Variants in NRXN3 observed in about 807,000 individuals in gnomAD.
NRXN3 encodes neurexin III.
Under a neutral mutation model 137.6 loss-of-function variants are expected in NRXN3, and 32 were observed. That is an observed-to-expected ratio of 0.23 (90% CI 0.18 to 0.31). NRXN3 has a LOEUF of 0.31. Among genes scored for constraint, NRXN3 ranks in the 10% least tolerant of loss-of-function variants. The pLI, the probability that NRXN3 is intolerant of heterozygous loss-of-function variation, is 1.00. For synonymous variants in NRXN3, 798 were observed against 784.5 expected, an observed-to-expected ratio of 1.02 and a Z score of -0.29; for missense variants, 1,574 against 2,062.5, an observed-to-expected ratio of 0.76 and a Z score of 4.59.
chr14:79,704,048 A>T (rs533751850), intron 19 of NRXN3, among the ~76,000 whole-genome samples: 1 of 152,224 alleles, frequency 6.6e-6, no homozygotes, highest in South Asian at 2.1e-4. Flanking sequence ...CCCAGATTGA[A>T]TCAGAGCCCC....
chr14:78,221,089 G>A (rs965596862), intron 1 of NRXN3, among the ~76,000 whole-genome samples: 14 of 152,184 alleles, frequency 9.2e-5, no homozygotes, highest in African/African-American at 3.4e-4. Flanking sequence ...AGCAGGGGAA[G>A]TGGTTGCTTA....
chr14:78,293,063 A>G (rs564864355), intron 3 of NRXN3, among the ~76,000 whole-genome samples: 24 of 152,200 alleles, frequency 1.6e-4, no homozygotes, highest in African/African-American at 5.1e-4. Context: ...TTTTTTGAGC[A>G]TTATTTTCTA....
In NRXN3 at chr14:79,861,133, T is replaced by C; in HGVS notation, c.4094-209T>C. 6.9e-7 allele frequency: 1 copy of C among 1,456,954 alleles called. No individual in the cohort carries two copies. 90.3% of individuals were successfully genotyped at this position (1,456,954 alleles called of 1,614,324 possible). A position where few individuals can be genotyped will look rare whatever the true frequency, so the allele number is the denominator to read the frequency against. On this transcript the variant is annotated intron_variant, in intron 20 of 20. Transcript: ENST00000335750. The surrounding 1 kb of genome is among the most constrained non-coding windows in gnomAD (Gnocchi z 5.4). ...CTTCCATTACACTCCCCCCTACCTT[T>C]CGCCCCCTCCTCACCATTATTGAGA...
intron 15 of NRXN3, among the ~76,000 whole-genome samples, chr14:79,106,178 G>A (rs932816287): frequency 2.0e-5 from 3 of 152,030 alleles, no homozygotes; most frequent in African/African-American, 4.8e-5. Flanking sequence ...CTTGAGGTCA[G>A]TACATTTCAG....
At position 78,709,491 on chromosome 14, in the gene NRXN3, G is replaced by GC; in HGVS notation, c.1498dup (p.Gln500ProfsTer23). 1 of 1,614,104 alleles carries GC rather than the reference G, an allele frequency of 6.2e-7. No homozygotes were observed. The highest frequency in any genetic ancestry group is 8.5e-7 in the Non-Finnish European group (1 of 1,180,034). On this transcript the variant is annotated frameshift_variant, in exon 7 of 21. Transcript: ENST00000335750. LOFTEE classifies it high-confidence loss of function. ...CCCCAAGAGAGGAAGGATGCTCGGA[G>GC]CCAGAAGAATACAAAAGTAGACTTC...
intron 19 of NRXN3, among the ~76,000 whole-genome samples, chr14:79,748,679 G>C (rs377405510): frequency 6.6e-6 from 1 of 152,064 alleles, no homozygotes; most frequent in African/African-American, 2.4e-5. Context: ...CCAGTGGCGG[G>C]TTTACTCATT....
intron 15 of NRXN3, chr14:79,280,841 C>T: frequency 3.1e-6 from 1 of 327,330 alleles, no homozygotes; most frequent in Non-Finnish European, 5.7e-6. Flanking sequence ...CTCTCCACCC[C>T]CACGGAGACA....
At chr14:79,066,306 C>T (rs1042217242) in intron 15 of NRXN3, among the ~76,000 whole-genome samples, 5 of 151,968 alleles carry the variant, frequency 3.3e-5, no homozygotes, top group Middle Eastern at 3.4e-3. Flanking sequence ...TGTAGGTGTG[C>T]GGTCTTATGT....
chr14:78,688,517 T>A (rs983061638), intron 6 of NRXN3, among the ~76,000 whole-genome samples: 15 of 152,006 alleles, frequency 9.9e-5, no homozygotes, highest in African/African-American at 3.6e-4. Context: ...GAGAAGAGAA[T>A]GGTAAGTGTG....
chr14:78,795,732 G>A (rs2098819573), intron 8 of NRXN3, among the ~76,000 whole-genome samples: 1 of 152,182 alleles, frequency 6.6e-6, no homozygotes, highest in African/African-American at 2.4e-5. Flanking sequence ...GGAAAGGAGT[G>A]AGCTTAGCAG....
At chr14:79,778,672 G>A (rs1277203011) in intron 19 of NRXN3, among the ~76,000 whole-genome samples, 1 of 152,080 alleles carries the variant, frequency 6.6e-6, no homozygotes, top group Admixed American at 6.6e-5. Flanking sequence ...CTTAAAATAT[G>A]GTAGTATTGA....
At chr14:79,308,863 G>C (rs1167812442) in intron 15 of NRXN3, among the ~76,000 whole-genome samples, 1 of 72,570 alleles carries the variant, frequency 1.4e-5, no homozygotes, top group African/African-American at 5.6e-5. Flanking sequence ...TTTTTTTTTT[G>C]TGAGTAATTT....
chr14:78,373,067 T>C (rs7150932), intron 4 of NRXN3, among the ~76,000 whole-genome samples: 6,678 of 152,286 alleles, frequency 0.044, 157 homozygotes, highest in Middle Eastern at 0.071. Context: ...GTATCTAAAA[T>C]TGGTATGCAG....
intron 10 of NRXN3, among the ~76,000 whole-genome samples, chr14:78,854,771 A>G (rs182530874): frequency 2.6e-5 from 4 of 152,246 alleles, no homozygotes; most frequent in Admixed American, 2.6e-4. Context: ...AGAATGGGAA[A>G]TATATATAGA....
chr14:78,915,381 A>G (rs1362537485), intron 10 of NRXN3, among the ~76,000 whole-genome samples: 2 of 148,824 alleles, frequency 1.3e-5, no homozygotes, highest in Non-Finnish European at 3.0e-5. Flanking sequence ...AACCACACAG[A>G]AAAAAAACAA....
At chr14:79,510,983 A>T (rs1047918313) in intron 16 of NRXN3, among the ~76,000 whole-genome samples, 1 of 152,190 alleles carries the variant, frequency 6.6e-6, no homozygotes, top group Admixed American at 6.5e-5. Context: ...GATGCACTCA[A>T]TCTTGAGTTG....
chr14:79,134,003 T>C (rs2057949268), intron 15 of NRXN3, among the ~76,000 whole-genome samples: 1 of 151,962 alleles, frequency 6.6e-6, no homozygotes, highest in Admixed American at 6.5e-5. Context: ...GGAGTAAATA[T>C]GTGTGACAAC....
chr14:79,186,926 G>A (rs2063607542), intron 15 of NRXN3, among the ~76,000 whole-genome samples: 1 of 152,142 alleles, frequency 6.6e-6, no homozygotes. Flanking sequence ...TTGCAGCATC[G>A]ATTCTGGCAT....
At position 79,865,339 on chromosome 14, in the gene NRXN3, C is replaced by T. The variant is rs2099417658; in HGVS notation, c.*3375C>T. 6.6e-6 allele frequency: 1 copy of T among 152,220 alleles called. No individual in the cohort carries two copies. The highest frequency in any genetic ancestry group is 1.5e-5 in the Non-Finnish European group (1 of 68,048). The allele number at this position is 152,220 out of a possible 1,614,324, so 9.4% of individuals were successfully genotyped here. The stretch of plus-strand genomic sequence containing the variant: ...AGTAATGTCTCATATTTCTCGTTCT[C>T]TCAGCACACACTTACTTGGCCAATT... On this transcript the variant is annotated 3_prime_UTR_variant, in exon 21 of 21. Coordinates refer to ENST00000335750, the MANE Select transcript of NRXN3 (RefSeq NM_001330195.2).
Sources: allele counts gnomAD v4.1 joint callset (sites outside exome capture counted in the v4.1 genomes callset), GRCh38; gene constraint gnomAD v4.1.1; non-coding constraint Gnocchi (gnomAD v3.1); transcripts MANE v1.5; gene names NCBI Gene and HGNC (gene_info 2026-07-23, HGNC 2026-07-21).